PPP6R2: variants seen among roughly 807,000 people sequenced by gnomAD.
PPP6R2 encodes protein phosphatase 6 regulatory subunit 2, also known as serine/threonine-protein phosphatase 6 regulatory subunit 2.
A neutral mutation model predicts 100.2 loss-of-function variants in PPP6R2; 62 were observed. The observed-to-expected ratio is 0.62, with a 90% CI of 0.50 to 0.76. PPP6R2 has a LOEUF of 0.76. Ranked by LOEUF, PPP6R2 falls within the 30% of genes least tolerant of loss-of-function variation. PPP6R2 has a pLI of 0.00. For missense variants in PPP6R2, 1,142 were observed against 1,276.3 expected (o/e 0.89, Z 1.60); for synonymous variants, 525 against 514.7 (o/e 1.02, Z -0.27).
intron 4 of PPP6R2, 65 bp downstream of exon 4, chr22:50,406,940 T>C (rs2059035325): frequency 6.6e-7 from 1 of 1,503,780 alleles, no homozygotes; most frequent in Admixed American, 1.7e-5. Context: ...CGTGTCCTGC[T>C]GTGAGCCTGG....
At position 50,436,511 on chromosome 22, in the gene PPP6R2, G is replaced by A. The variant is rs1415234926; in HGVS notation, c.1602+59G>A. The A allele has an allele frequency of 5.3e-6, 8 of 1,508,290 alleles. No individual in the cohort carries two copies. The East Asian group carries it at 9.8e-5, about 19-fold the overall frequency. The allele number at this position is 1,508,290 out of a possible 1,614,324, so 93.4% of individuals were successfully genotyped here. On this transcript the variant is annotated intron_variant, in intron 14 of 23. Transcript: ENST00000612753. ...GCACGGTGCTGGGACGCCGTCAGAC[G>A]CTCCTGCCTTTGCCCTGAGGCAGAG...
At chr22:50,411,915 G>T (rs973177115) in intron 4 of PPP6R2, among the ~76,000 whole-genome samples, 3 of 151,478 alleles carry the variant, frequency 2.0e-5, no homozygotes, top group Admixed American at 6.6e-5. Flanking sequence ...CGTAGTGATG[G>T]GTGCCTGTAG....
At chr22:50,355,332 G>T (rs2046267874) in intron 1 of PPP6R2, among the ~76,000 whole-genome samples, 1 of 149,894 alleles carries the variant, frequency 6.7e-6, no homozygotes, top group Admixed American at 6.7e-5. Context: ...CCGCCTCCCA[G>T]GTTCATGCCA....
In PPP6R2 at chr22:50,444,323, CTTTT is replaced by C. The variant is rs59017944; in HGVS notation, c.*85_*88del. The C allele has an allele frequency of 1.2e-5, 14 of 1,194,486 alleles. No individual in the cohort carries two copies. The South Asian group carries it at 1.2e-4, about 10-fold the overall frequency. The allele number at this position is 1,194,486 out of a possible 1,614,324, so 74.0% of individuals were successfully genotyped here. On this transcript the variant is annotated 3_prime_UTR_variant, in exon 24 of 24. Coordinates refer to ENST00000612753, the MANE Select transcript of PPP6R2 (RefSeq NM_001242898.2). ...CGAGAAAACTACCTGGTGATGCAATCTTTTTTTTTTTTAATTTAATTTAATTTTA... is the reference window on the plus strand; with the variant it reads ...CGAGAAAACTACCTGGTGATGCAATCTTTTTTTTAATTTAATTTAATTTTA...
At chr22:50,382,790 G>A (rs185450630) in intron 2 of PPP6R2, among the ~76,000 whole-genome samples, 9 of 151,668 alleles carry the variant, frequency 5.9e-5, no homozygotes, top group Admixed American at 3.3e-4. Flanking sequence ...TAAAAAACCC[G>A]AGATTGTCAG....
chr22:50,398,563 T>A (rs1339533100), intron 3 of PPP6R2, among the ~76,000 whole-genome samples: 1 of 150,396 alleles, frequency 6.6e-6, no homozygotes, highest in Non-Finnish European at 1.5e-5. Context: ...TCAACCAGGC[T>A]GGAGTGCAGT....
chr22:50,438,987 C>G (rs1415599399), intron 19 of PPP6R2, among the ~76,000 whole-genome samples: 4 of 152,230 alleles, frequency 2.6e-5, no homozygotes, highest in Non-Finnish European at 4.4e-5. Context: ...TGTGGTCACT[C>G]AGCCACGTTG....
At chr22:50,406,217 A>G (rs2058924462) in intron 3 of PPP6R2, among the ~76,000 whole-genome samples, 1 of 144,022 alleles carries the variant, frequency 6.9e-6, no homozygotes, top group African/African-American at 2.6e-5. Context: ...AGACCTGGAG[A>G]GAGGCGAGAG....
chr22:50,422,127 T>G (rs1448649330), intron 8 of PPP6R2, 127 bp from the exon 9 acceptor site: 5 of 1,238,734 alleles, frequency 4.0e-6, no homozygotes, highest in Non-Finnish European at 5.6e-6. Context: ...GTAGCTGCAC[T>G]GCTCTAGGGT....
chr22:50,423,906 C>G lies in PPP6R2; in HGVS notation c.1125+292C>G, dbSNP rs192161488. On this transcript the variant is annotated intron_variant, in intron 10 of 23. Transcript: ENST00000612753. This position sits in a 1 kb window ranked among gnomAD's most constrained non-coding sequence, Gnocchi z 4.8. ...TGATGGAATAGAGTGACACGTCTAC[C>G]TCCTTTCTCATGTTCTGACTGAACA... Among the ~76,000 whole-genome samples, 13 of 152,254 alleles carry G rather than the reference C, an allele frequency of 8.5e-5. No individual in the cohort carries two copies. Among genetic ancestry groups the G allele is most frequent in the Non-Finnish European group, 1.9e-4 (13 of 68,054 alleles).
At chr22:50,406,623 T>A in intron 3 of PPP6R2, 66 bp from the exon 4 acceptor site, 1 of 1,473,202 alleles carries the variant, frequency 6.8e-7, no homozygotes, top group Non-Finnish European at 9.4e-7. Context: ...GCAGACTATG[T>A]AAGCAGCTTC....
intron 1 of PPP6R2, among the ~76,000 whole-genome samples, chr22:50,361,160 G>C (rs746439317): frequency 1.3e-4 from 20 of 152,156 alleles, no homozygotes; most frequent in Admixed American, 7.9e-4. Context: ...GTCCTGGGTA[G>C]TGCCTTCCTG....
chr22:50,342,553 C>G (rs938228774), upstream of PPP6R2, among the ~76,000 whole-genome samples: 1 of 152,228 alleles, frequency 6.6e-6, no homozygotes, highest in Non-Finnish European at 1.5e-5. Flanking sequence ...CGCCCAGATA[C>G]GCTTTCGCAG....
intron 3 of PPP6R2, among the ~76,000 whole-genome samples, chr22:50,404,025 G>A (rs1450494833): frequency 6.6e-6 from 1 of 152,078 alleles, no homozygotes; most frequent in East Asian, 1.9e-4. Flanking sequence ...GGTCATAGCA[G>A]CTGACCTTGA....
chr22:50,374,147 G>C (rs773279250), intron 2 of PPP6R2, among the ~76,000 whole-genome samples: 16 of 152,202 alleles, frequency 1.1e-4, no homozygotes, highest in Non-Finnish European at 2.1e-4. Context: ...GCCTCCCAAA[G>C]TGCCGAGATT....
chr22:50,380,046 A>G (rs1477403571), intron 2 of PPP6R2, among the ~76,000 whole-genome samples: 3 of 152,158 alleles, frequency 2.0e-5, no homozygotes, highest in Non-Finnish European at 4.4e-5. Flanking sequence ...GTGTTGCTAT[A>G]AAGGAATACC....
chr22:50,431,724 G>A lies in PPP6R2; in HGVS notation c.1335+342G>A, dbSNP rs1020825339. Among the ~76,000 whole-genome samples, 1 of 152,174 alleles carries A rather than the reference G, an allele frequency of 6.6e-6. No individual in the cohort carries two copies. The highest frequency in any genetic ancestry group is 1.5e-5 in the Non-Finnish European group (1 of 68,028). On this transcript the variant is annotated intron_variant, in intron 11 of 23. Transcript: ENST00000612753. The surrounding 1 kb of genome is among the most constrained non-coding windows in gnomAD (Gnocchi z 4.8). Reference sequence around the variant, plus strand: ...CAGTGTCAGTGATGGGAGCCACACGGTGGGGAGGGGATGCTGAGGGACATG... The same window carrying A: ...CAGTGTCAGTGATGGGAGCCACACGATGGGGAGGGGATGCTGAGGGACATG...
chr22:50,334,338 CTT>C, the PPP6R2 span, among the ~76,000 whole-genome samples: 4 of 152,380 alleles, frequency 2.6e-5, no homozygotes, highest in Admixed American at 6.5e-5. Context: ...GGCTCACCCT[CTT>C]GTCTTCTGGT....
At chr22:50,341,763 G>T (rs1002986426), upstream of PPP6R2, among the ~76,000 whole-genome samples, 1 of 152,124 alleles carries the variant, frequency 6.6e-6, no homozygotes, top group Non-Finnish European at 1.5e-5. Flanking sequence ...GGGAGGCCGA[G>T]GCGGGCGGAT....
Sources: gnomAD v4.1 joint callset for allele counts (sites outside exome capture counted in the v4.1 genomes callset) on GRCh38, gnomAD v4.1.1 for gene constraint, Gnocchi (gnomAD v3.1) non-coding constraint, MANE v1.5 for transcripts, NCBI Gene and HGNC (gene_info 2026-07-23, HGNC 2026-07-21) for gene names.